Variants in PLXDC2 observed in about 807,000 individuals in gnomAD.
PLXDC2 encodes plexin domain-containing protein 2.
PLXDC2 carries 40 observed loss-of-function variants against 68.9 expected under a neutral mutation model. That is an observed-to-expected ratio of 0.58 (90% CI 0.45 to 0.76). PLXDC2 has a LOEUF of 0.76. Among genes scored for constraint, PLXDC2 ranks in the 30% least tolerant of loss-of-function variants. PLXDC2 has a pLI of 0.00. For synonymous variants in PLXDC2, 243 were observed against 234.2 expected (o/e 1.04, Z -0.34); for missense variants, 644 against 661.9 (o/e 0.97, Z 0.30).
chr10:20,284,330 T>TATATATATATATATACAC lies in PLXDC2; in HGVS notation c.*4512_*4513insTATATATATATATACACA, dbSNP rs1484131963. ...AAATATACATATATATATATATATA[T>TATATATATATATATACAC]ACACACACACACACACACACACAAA... On this transcript the variant is annotated 3_prime_UTR_variant, in exon 14 of 14. Coordinates refer to ENST00000377252, the MANE Select transcript of PLXDC2 (RefSeq NM_032812.9). 1.3e-3 allele frequency: 164 copies of TATATATATATATATACAC among 126,332 alleles called. 1 individual carries two copies. The highest frequency in any genetic ancestry group is 2.2e-3 in the African/African-American group (77 of 34,366). 7.8% of individuals were successfully genotyped at this position (126,332 alleles called of 1,614,324 possible).
intron 4 of PLXDC2, among the ~76,000 whole-genome samples, chr10:20,121,920 G>A (rs1338394804): frequency 6.6e-6 from 1 of 152,084 alleles, no homozygotes; most frequent in Admixed American, 6.6e-5. Context: ...GGCATCAATC[G>A]GGGTAAGGGT....
chr10:20,031,100 G>C (rs1455635002), intron 2 of PLXDC2, among the ~76,000 whole-genome samples: 1 of 152,174 alleles, frequency 6.6e-6, no homozygotes, highest in African/African-American at 2.4e-5. Flanking sequence ...GGGCTTAGTG[G>C]TTTATGCCTG....
At chr10:19,918,924 G>A (rs1318050090) in intron 1 of PLXDC2, among the ~76,000 whole-genome samples, 2 of 152,198 alleles carry the variant, frequency 1.3e-5, no homozygotes, top group South Asian at 2.1e-4. Context: ...AAGCATGACT[G>A]TATTAAGTAT....
At chr10:19,997,654 A>G (rs757702875) in intron 1 of PLXDC2, among the ~76,000 whole-genome samples, 3 of 152,214 alleles carry the variant, frequency 2.0e-5, no homozygotes, top group Non-Finnish European at 2.9e-5. Flanking sequence ...CCTTCCAAGC[A>G]AAGCTTTCTT....
At chr10:19,940,549 A>C (rs576238149) in intron 1 of PLXDC2, among the ~76,000 whole-genome samples, 1 of 101,666 alleles carries the variant, frequency 9.8e-6, no homozygotes, top group African/African-American at 5.0e-5. Context: ...TTGATTGTGC[A>C]AAAAAAAAAA....
At chr10:20,163,119 G>T in intron 6 of PLXDC2, among the ~76,000 whole-genome samples, 1 of 152,028 alleles carries the variant, frequency 6.6e-6, no homozygotes, top group Non-Finnish European at 1.5e-5. Context: ...TGTTTTGCTT[G>T]TTTTGTGTGT....
At chr10:20,036,830 C>G (rs1564290833) in intron 2 of PLXDC2, among the ~76,000 whole-genome samples, 1 of 152,180 alleles carries the variant, frequency 6.6e-6, no homozygotes, top group Non-Finnish European at 1.5e-5. Context: ...TTCCCTTCAA[C>G]ACATTTGTGA....
chr10:19,917,085 A>G (rs16919552), intron 1 of PLXDC2, among the ~76,000 whole-genome samples: 4,970 of 152,300 alleles, frequency 0.033, 120 homozygotes, highest in African/African-American at 0.069. Flanking sequence ...ACTATTGACA[A>G]TATCTCAACT....
chr10:19,823,607 G>A (rs117701257), intron 1 of PLXDC2, among the ~76,000 whole-genome samples: 12,549 of 151,610 alleles, frequency 0.083, 754 homozygotes, highest in Non-Finnish European at 0.12. Context: ...CGCTTGACCC[G>A]GGAGGTGGAG....
chr10:19,974,645 C>A (rs1834417305), intron 1 of PLXDC2, among the ~76,000 whole-genome samples: 1 of 152,178 alleles, frequency 6.6e-6, no homozygotes, highest in South Asian at 2.1e-4. Flanking sequence ...GGTCTTCTCA[C>A]AGTTAGCTGT....
At chr10:20,162,042 AAGAGAGAGAGAG>A (rs139175193) in intron 6 of PLXDC2, among the ~76,000 whole-genome samples, 14 of 72,422 alleles carry the variant, frequency 1.9e-4, no homozygotes, top group South Asian at 4.9e-4. Context: ...GAAAGAAAGA[AAGAGAGAGAGAG>A]AGAGAGAGAG....
At chr10:20,030,230 C>CA (rs1272458161) in intron 2 of PLXDC2, among the ~76,000 whole-genome samples, 3 of 151,984 alleles carry the variant, frequency 2.0e-5, no homozygotes, top group African/African-American at 7.2e-5. Flanking sequence ...ACAACAACAA[C>CA]AAAAAACTGG....
intron 1 of PLXDC2, among the ~76,000 whole-genome samples, chr10:19,855,526 G>T (rs1271940323): frequency 1.3e-5 from 2 of 152,160 alleles, no homozygotes; most frequent in East Asian, 3.9e-4. Context: ...AAATTCTTGG[G>T]AGTAGAAGTG....
chr10:19,882,941 T>C (rs969751173), intron 1 of PLXDC2, among the ~76,000 whole-genome samples: 27 of 140,640 alleles, frequency 1.9e-4, no homozygotes, highest in African/African-American at 5.2e-4. Flanking sequence ...TAAAATTTTT[T>C]TTTTTTTTTT....
intron 1 of PLXDC2, among the ~76,000 whole-genome samples, chr10:19,941,704 T>C (rs1833820636): frequency 6.6e-6 from 1 of 152,148 alleles, no homozygotes; most frequent in Non-Finnish European, 1.5e-5. Flanking sequence ...CTACTGAAAG[T>C]ACAAAGAACT....
chr10:19,852,577 GT>G (rs1837142149), intron 1 of PLXDC2, among the ~76,000 whole-genome samples: 1 of 150,512 alleles, frequency 6.6e-6, no homozygotes, highest in Non-Finnish European at 1.5e-5. Context: ...AGAAAACAAA[GT>G]TTTTCAGCCA....
At chr10:19,981,036 T>C (rs1448647705) in intron 1 of PLXDC2, among the ~76,000 whole-genome samples, 1 of 152,230 alleles carries the variant, frequency 6.6e-6, no homozygotes, top group Non-Finnish European at 1.5e-5. Context: ...ATGATTTTTG[T>C]GACAAGTATA....
chr10:19,872,392 A>G (rs757638695), intron 1 of PLXDC2, among the ~76,000 whole-genome samples: 13 of 152,256 alleles, frequency 8.5e-5, no homozygotes, highest in Non-Finnish European at 1.8e-4. Context: ...TGGCAAATGT[A>G]GCAAGAATGA....
chr10:20,241,566 G>A (rs778212132), intron 12 of PLXDC2, among the ~76,000 whole-genome samples: 1 of 152,158 alleles, frequency 6.6e-6, no homozygotes, highest in Non-Finnish European at 1.5e-5. Context: ...CAGGAGGAAT[G>A]CTTGAGCCCA....
Sources: gnomAD v4.1 joint callset for allele counts (sites outside exome capture counted in the v4.1 genomes callset) on GRCh38, gnomAD v4.1.1 for gene constraint, MANE v1.5 for transcripts, NCBI Gene and HGNC (gene_info 2026-07-23, HGNC 2026-07-21) for gene names.